Variants in ITGA6 observed in about 807,000 individuals in gnomAD.
ITGA6 encodes integrin subunit alpha 6, also known as integrin alpha-6.
In ITGA6, 63 loss-of-function variants were observed where a neutral mutation model predicts 133.6. That is an observed-to-expected ratio of 0.47 (90% CI 0.38 to 0.58). The LOEUF (loss-of-function observed/expected upper bound fraction) is 0.58, where lower values mean the gene tolerates loss of function less well. Among genes scored for constraint, ITGA6 ranks in the 20% least tolerant of loss-of-function variants. The pLI, the probability that ITGA6 is intolerant of heterozygous loss-of-function variation, is 0.00. For synonymous variants in ITGA6, 434 were observed against 482.0 expected (o/e 0.90, Z 1.30); for missense variants, 1,068 against 1,309.4 (o/e 0.82, Z 2.85).
At chr2:172,446,964 C>T (rs1245911950) in intron 1 of ITGA6, among the ~76,000 whole-genome samples, 2 of 152,162 alleles carry the variant, frequency 1.3e-5, no homozygotes, top group African/African-American at 4.8e-5. Flanking sequence ...GTGGCGCAAT[C>T]TTGGCTTAGT....
intron 1 of ITGA6, among the ~76,000 whole-genome samples, chr2:172,452,831 C>G (rs1056155484): frequency 6.6e-6 from 1 of 152,216 alleles, no homozygotes; most frequent in African/African-American, 2.4e-5. Context: ...CTCCTCAGCC[C>G]TAGCTTTGGT....
intron 1 of ITGA6, among the ~76,000 whole-genome samples, chr2:172,449,893 C>A (rs1397357758): frequency 7.0e-6 from 1 of 143,120 alleles, no homozygotes; most frequent in African/African-American, 2.7e-5. Flanking sequence ...TGCACTCCAG[C>A]CTGGGCAATG....
At chr2:172,489,728 C>G (rs1442661866) in intron 20 of ITGA6, 70 bp downstream of exon 20, 2 of 1,327,846 alleles carry the variant, frequency 1.5e-6, no homozygotes, top group Non-Finnish European at 2.1e-6. Flanking sequence ...AGGGGAAAAT[C>G]ATTACTGTTC....
chr2:172,437,460 ATGTGTCCAAAGTT>A (rs1684368389), intron 1 of ITGA6, among the ~76,000 whole-genome samples: 1 of 152,184 alleles, frequency 6.6e-6, no homozygotes. Context: ...GTAGAGAAGA[ATGTGTCCAAAGTT>A]TTTGACCTGA....
chr2:172,465,044 C>G (rs1685591300), intron 1 of ITGA6: 1 of 185,260 alleles, frequency 5.4e-6, no homozygotes, highest in Non-Finnish European at 1.2e-5. Flanking sequence ...AGTATATAAA[C>G]TGAAAATCTA....
chr2:172,465,791 T>C (rs968469776), intron 2 of ITGA6, 128 bp downstream of exon 2: 21 of 1,276,726 alleles, frequency 1.6e-5, no homozygotes, highest in Non-Finnish European at 2.3e-5. Flanking sequence ...CAGACTTGAC[T>C]GTTTTTTATT....
chr2:172,435,698 C>T (rs1684293007), intron 1 of ITGA6, among the ~76,000 whole-genome samples: 1 of 142,360 alleles, frequency 7.0e-6, no homozygotes, highest in African/African-American at 2.7e-5. Flanking sequence ...GCGATTTCAG[C>T]TCACTGCAGC....
chr2:172,439,926 G>A (rs1330534484), intron 1 of ITGA6, among the ~76,000 whole-genome samples: 3 of 152,096 alleles, frequency 2.0e-5, no homozygotes, highest in African/African-American at 4.8e-5. Flanking sequence ...CAGTATCTTG[G>A]GTTTTTAAAT....
At chr2:172,484,431 G>GT in intron 11 of ITGA6, among the ~76,000 whole-genome samples, 1 of 152,192 alleles carries the variant, frequency 6.6e-6, no homozygotes, top group African/African-American at 2.4e-5. Flanking sequence ...TTAGGTGCTC[G>GT]GGGGAGTGTT....
At position 172,487,055 on chromosome 2, in the gene ITGA6, C is replaced by A. The variant is rs747131422; in HGVS notation, c.1887C>A (p.Asp629Glu). 1 of 1,611,924 alleles carries A rather than the reference C, an allele frequency of 6.2e-7. No individual in the cohort carries two copies. Among genetic ancestry groups the A allele is most frequent in the South Asian group, 1.1e-5 (1 of 91,030 alleles). The change falls in exon 14 of 26, where the codon GAC (aspartate) becomes GAA (glutamate). Residue 629 changes from aspartate to glutamate, a missense_variant. Asp to Glu is a conservative substitution (Grantham distance 45, BLOSUM62 2). Around this residue, in one of 3 missense-constraint regions of ITGA6, gnomAD observed 609 missense variants for 707.2 expected, o/e 0.86. Transcript: ENST00000684293. ...VHFLKEGCGD[D>E]NVCNSNLKLE... Reference sequence around the variant, plus strand: ...TCTTAAAAGAGGGATGTGGAGACGACAATGTATGTAACAGCAACCTTAAAC... The same window carrying A: ...TCTTAAAAGAGGGATGTGGAGACGAAAATGTATGTAACAGCAACCTTAAAC...
chr2:172,444,105 T>C (rs1684653205), intron 1 of ITGA6, among the ~76,000 whole-genome samples: 1 of 152,162 alleles, frequency 6.6e-6, no homozygotes, highest in South Asian at 2.1e-4. Context: ...CAACACCCTA[T>C]GAGAATATTT....
chr2:172,427,619 G>T lies in ITGA6; in HGVS notation c.-170G>T. 7.8e-7 allele frequency: 1 copy of T among 1,280,916 alleles called. No homozygotes were observed. Among genetic ancestry groups the T allele is most frequent in the African/African-American group, 1.6e-5 (1 of 63,946 alleles). The allele number at this position is 1,280,916 out of a possible 1,614,324, so 79.3% of individuals were successfully genotyped here. On this transcript the variant is annotated 5_prime_UTR_variant, in exon 1 of 26. Transcript: ENST00000684293. ...CATTCAGCGGTCGCGAGCTGCCCGC[G>T]AGGGGGAGCGGCCGGACGGAGAGCG...
chr2:172,475,835 T>C, intron 8 of ITGA6, 150 bp downstream of exon 8: 1 of 632,038 alleles, frequency 1.6e-6, no homozygotes, highest in South Asian at 1.9e-5. Context: ...TACTAGAAGA[T>C]ACCTTCAAAA....
chr2:172,484,507 TAAC>T (rs1686582027), intron 11 of ITGA6, among the ~76,000 whole-genome samples: 1 of 152,336 alleles, frequency 6.6e-6, no homozygotes, highest in African/African-American at 2.4e-5. Context: ...TGATTCTTAA[TAAC>T]TGCTGCTGCT....
intron 1 of ITGA6, among the ~76,000 whole-genome samples, chr2:172,432,612 C>T (rs1043380941): frequency 2.0e-5 from 3 of 152,216 alleles, no homozygotes; most frequent in Non-Finnish European, 4.4e-5. Flanking sequence ...GTAAGCTTAG[C>T]AAAGAAACGC....
At chr2:172,432,197 C>T (rs1684130650) in intron 1 of ITGA6, among the ~76,000 whole-genome samples, 1 of 152,166 alleles carries the variant, frequency 6.6e-6, no homozygotes, top group Admixed American at 6.5e-5. Flanking sequence ...AGTGCTGAAT[C>T]AGCCCATTTT....
chr2:172,456,900 C>T (rs34484409), intron 1 of ITGA6, among the ~76,000 whole-genome samples: 1,850 of 152,346 alleles, frequency 0.012, 20 homozygotes, highest in Non-Finnish European at 0.019. Flanking sequence ...ACACAGTCAT[C>T]TGTTCTAAAC....
At chr2:172,474,848 T>C in intron 6 of ITGA6, 81 bp from the exon 7 acceptor site, 1 of 792,798 alleles carries the variant, frequency 1.3e-6, no homozygotes, top group South Asian at 1.4e-5. Flanking sequence ...ATTATATGTC[T>C]TTGTATCCTT....
chr2:172,468,958 G>C, intron 3 of ITGA6, 167 bp from the exon 4 acceptor site: 1 of 699,054 alleles, frequency 1.4e-6, no homozygotes, highest in Non-Finnish European at 2.5e-6. Flanking sequence ...TCTCCTTAGT[G>C]CCACTTTGGG....
Sources: allele counts gnomAD v4.1 joint callset (sites outside exome capture counted in the v4.1 genomes callset), GRCh38; gene constraint gnomAD v4.1.1; regional missense constraint gnomAD v4.1.1; transcripts MANE v1.5; gene names NCBI Gene and HGNC (gene_info 2026-07-23, HGNC 2026-07-21).